Variants in GTF2E2 observed in about 807,000 individuals in gnomAD.
GTF2E2 encodes the protein transcription initiation factor IIE subunit beta.
Under a neutral mutation model 40.5 loss-of-function variants are expected in GTF2E2, and 21 were observed. The observed-to-expected ratio is 0.52, with a 90% CI of 0.37 to 0.75. The LOEUF (loss-of-function observed/expected upper bound fraction) is 0.75. GTF2E2 is among the 30% of genes least tolerant of loss of function. GTF2E2 has a pLI of 0.00. For synonymous variants in GTF2E2, 117 were observed against 121.6 expected (o/e 0.96, Z 0.25); for missense variants, 298 against 338.4 (o/e 0.88, Z 0.94).
intron 3 of GTF2E2, among the ~76,000 whole-genome samples, chr8:30,634,730 T>G (rs1801534289): frequency 6.6e-6 from 1 of 152,172 alleles, no homozygotes. Context: ...TTTGCCAGCC[T>G]GTATTCATTA....
At chr8:30,615,626 TA>T (rs1800898978) in intron 3 of GTF2E2, among the ~76,000 whole-genome samples, 1 of 152,152 alleles carries the variant, frequency 6.6e-6, no homozygotes, top group Middle Eastern at 3.2e-3. Context: ...AAAACATATG[TA>T]TCATGCCTAT....
At chr8:30,644,929 T>G (rs1281884210) in intron 2 of GTF2E2, among the ~76,000 whole-genome samples, 3 of 152,062 alleles carry the variant, frequency 2.0e-5, no homozygotes, top group African/African-American at 7.2e-5. Context: ...TTTTGTATGT[T>G]TTGTAGAGAC....
At chr8:30,580,207 C>T (rs747334338) in intron 7 of GTF2E2, 74 bp downstream of exon 7, 27 of 827,556 alleles carry the variant, frequency 3.3e-5, no homozygotes, top group Non-Finnish European at 5.4e-5. Context: ...CCCAGCTCTT[C>T]AGAGGGCAGA....
intron 2 of GTF2E2, among the ~76,000 whole-genome samples, chr8:30,646,972 T>G: frequency 1.5e-5 from 1 of 65,960 alleles, no homozygotes; most frequent in African/African-American, 6.4e-5. Flanking sequence ...AGAGCAAGAC[T>G]CCGTCTCAAA....
At chr8:30,601,045 AC>A (rs1829165578) in intron 6 of GTF2E2, among the ~76,000 whole-genome samples, 1 of 152,228 alleles carries the variant, frequency 6.6e-6, no homozygotes. Context: ...TATATCATTA[AC>A]AAAAACTTGT....
chr8:30,635,503 C>T (rs78338082), intron 2 of GTF2E2, among the ~76,000 whole-genome samples: 30,829 of 152,050 alleles, frequency 0.2, 4,075 homozygotes, highest in South Asian at 0.33. Flanking sequence ...CCACCTCAGC[C>T]TTCTGAGAGG....
At chr8:30,637,553 T>G (rs1402013677) in intron 2 of GTF2E2, among the ~76,000 whole-genome samples, 1 of 152,054 alleles carries the variant, frequency 6.6e-6, no homozygotes, top group Non-Finnish European at 1.5e-5. Flanking sequence ...AGATGGAGTC[T>G]CACTCTGTCG....
intron 2 of GTF2E2, chr8:30,645,599 ACT>A (rs539320642): frequency 6.5e-6 from 10 of 1,531,518 alleles, no homozygotes; most frequent in Non-Finnish European, 7.9e-6. Flanking sequence ...GTGGTCTAAC[ACT>A]CTATAGAAGA....
chr8:30,654,587 TA>T (rs1248185344), intron 1 of GTF2E2, among the ~76,000 whole-genome samples: 1 of 152,020 alleles, frequency 6.6e-6, no homozygotes, highest in Non-Finnish European at 1.5e-5. Flanking sequence ...AAAAACTTTT[TA>T]GAGACAAGGT....
Position 30,614,683 on chromosome 8 carries a change from T to G in GTF2E2, c.291A>C (p.Leu97=), listed in dbSNP as rs1563488587. 1 of 1,609,290 alleles carries G rather than the reference T, an allele frequency of 6.2e-7. No individual in the cohort carries two copies. Among genetic ancestry groups the G allele is most frequent in the Non-Finnish European group, 8.5e-7 (1 of 1,176,220 alleles). ...TRHQRGDTHP[L]TLDEILDETQ... Reference sequence around the variant, plus strand: ...TTTCATCCAAAATTTCATCTAAGGTTAGAGGATGCGTATCTCCTCGCTGAT... The same window carrying G: ...TTTCATCCAAAATTTCATCTAAGGTGAGAGGATGCGTATCTCCTCGCTGAT... Residue 97 remains leucine, a synonymous_variant, in exon 4 of 8, where the codon CTA becomes CTC. Transcript: ENST00000355904.
chr8:30,607,192 A>T, intron 5 of GTF2E2, 42 bp from the exon 6 acceptor site: 1 of 730,830 alleles, frequency 1.4e-6, no homozygotes, highest in Non-Finnish European at 2.3e-6. Context: ...TTAACTCCAA[A>T]TTACCTCACC....
chr8:30,602,549 G>A (rs1829211825), intron 6 of GTF2E2, among the ~76,000 whole-genome samples: 1 of 152,012 alleles, frequency 6.6e-6, no homozygotes, highest in African/African-American at 2.4e-5. Context: ...CTGAGGTCGG[G>A]AGTCTGAGAC....
intron 2 of GTF2E2, among the ~76,000 whole-genome samples, chr8:30,651,751 A>T (rs1312339983): frequency 1.3e-5 from 2 of 152,224 alleles, no homozygotes; most frequent in Non-Finnish European, 2.9e-5. Flanking sequence ...AAATTTATGC[A>T]GAAAAACTAA....
At chr8:30,588,502 T>G (rs1321109432) in intron 6 of GTF2E2, among the ~76,000 whole-genome samples, 1 of 152,070 alleles carries the variant, frequency 6.6e-6, no homozygotes, top group African/African-American at 2.4e-5. Context: ...CACCTCTACG[T>G]GGAATCTAAA....
At chr8:30,640,849 C>T (rs1801794031) in intron 2 of GTF2E2, among the ~76,000 whole-genome samples, 1 of 152,128 alleles carries the variant, frequency 6.6e-6, no homozygotes, top group Non-Finnish European at 1.5e-5. Flanking sequence ...GGATTACACA[C>T]ACCCGCCACC....
intron 2 of GTF2E2, among the ~76,000 whole-genome samples, chr8:30,640,372 G>A (rs950487994): frequency 1.3e-5 from 2 of 152,060 alleles, no homozygotes; most frequent in South Asian, 2.1e-4. Flanking sequence ...ACTGCACTGG[G>A]GCCTTTGGGA....
At chr8:30,596,301 C>G (rs1435455985) in intron 6 of GTF2E2, among the ~76,000 whole-genome samples, 1 of 152,186 alleles carries the variant, frequency 6.6e-6, no homozygotes, top group Non-Finnish European at 1.5e-5. Context: ...TGTCTCACAG[C>G]TTATGGGTTC....
intron 3 of GTF2E2, among the ~76,000 whole-genome samples, chr8:30,628,657 C>A (rs946474721): frequency 6.6e-6 from 1 of 152,186 alleles, no homozygotes; most frequent in Non-Finnish European, 1.5e-5. Flanking sequence ...AGAGGCTGGG[C>A]ATGTTGGCTC....
At chr8:30,649,421 AAAC>A in intron 2 of GTF2E2, among the ~76,000 whole-genome samples, 1 of 152,254 alleles carries the variant, frequency 6.6e-6, no homozygotes, top group East Asian at 1.9e-4. Context: ...ACAAACAAAC[AAAC>A]AAAAACCAAA....
Sources: allele counts gnomAD v4.1 joint callset (sites outside exome capture counted in the v4.1 genomes callset), GRCh38; gene constraint gnomAD v4.1.1; transcripts MANE v1.5; gene names NCBI Gene and HGNC (gene_info 2026-07-23, HGNC 2026-07-21).